The following CEP112 variants were observed in gnomAD, a reference collection of about 807,000 sequenced individuals.
The protein encoded by CEP112 is centrosomal protein 112, also known as centrosomal protein of 112 kDa.
In CEP112, 127 loss-of-function variants were observed where a neutral mutation model predicts 153.0. That is an observed-to-expected ratio of 0.83 (90% CI 0.72 to 0.96). The LOEUF (loss-of-function observed/expected upper bound fraction) is 0.96, where lower values mean the gene tolerates loss of function less well. Ranked by LOEUF, CEP112 falls within the 40% of genes least tolerant of loss-of-function variation. The pLI, the probability that CEP112 is intolerant of heterozygous loss-of-function variation, is 0.00. For missense variants in CEP112, 1,089 were observed against 1,101.2 expected (o/e 0.99, Z 0.16); for synonymous variants, 358 against 374.4 (o/e 0.96, Z 0.51).
intron 20 of CEP112, among the ~76,000 whole-genome samples, chr17:65,888,405 C>T (rs1429041856): frequency 6.6e-6 from 1 of 152,054 alleles, no homozygotes; most frequent in African/African-American, 2.4e-5. Context: ...TTGTATACCT[C>T]CTCTTAGCGC....
At chr17:65,887,277 A>G (rs2059313234) in intron 20 of CEP112, among the ~76,000 whole-genome samples, 1 of 152,166 alleles carries the variant, frequency 6.6e-6, no homozygotes, top group Non-Finnish European at 1.5e-5. Context: ...GAGACAATAC[A>G]TAAGTGCCTC....
chr17:65,996,046 T>C (rs1304976859), intron 17 of CEP112, among the ~76,000 whole-genome samples: 2 of 152,082 alleles, frequency 1.3e-5, no homozygotes, highest in African/African-American at 4.8e-5. Flanking sequence ...ATCAGCAGCA[T>C]GAAAACGGCC....
chr17:66,052,052 A>G (rs12951441), intron 12 of CEP112, among the ~76,000 whole-genome samples: 50,428 of 152,110 alleles, frequency 0.33, 9,739 homozygotes, highest in Non-Finnish European at 0.45. Context: ...AGTATAGGGT[A>G]TTTCATGTAA....
chr17:65,828,901 C>T (rs963734088), intron 21 of CEP112, among the ~76,000 whole-genome samples: 2 of 150,236 alleles, frequency 1.3e-5, no homozygotes, highest in African/African-American at 4.9e-5. Flanking sequence ...AGTTTTGACA[C>T]TGATATTATG....
At chr17:65,748,640 T>TA (rs747798013) in intron 22 of CEP112, among the ~76,000 whole-genome samples, 28 of 152,348 alleles carry the variant, frequency 1.8e-4, no homozygotes, top group Admixed American at 3.3e-4. Flanking sequence ...ACTTAATAGT[T>TA]AAAACCATCC....
chr17:65,826,377 A>T (rs1247486377), intron 21 of CEP112: 1 of 1,592,012 alleles, frequency 6.3e-7, no homozygotes, highest in Non-Finnish European at 8.5e-7. Context: ...CAGAACTTCT[A>T]ACAAGAAGCC....
chr17:65,846,473 G>A (rs1217608994), intron 21 of CEP112, among the ~76,000 whole-genome samples: 1 of 152,204 alleles, frequency 6.6e-6, no homozygotes, highest in Admixed American at 6.5e-5. Flanking sequence ...AATGATTTGA[G>A]ATCAAATGTG....
intron 20 of CEP112, among the ~76,000 whole-genome samples, chr17:65,888,793 C>T (rs1046547634): frequency 6.6e-6 from 1 of 152,126 alleles, no homozygotes; most frequent in Non-Finnish European, 1.5e-5. Flanking sequence ...CCGAGTGACT[C>T]AGTCTAGGAA....
intron 20 of CEP112, among the ~76,000 whole-genome samples, chr17:65,865,988 G>A (rs1382411194): frequency 6.6e-6 from 1 of 152,132 alleles, no homozygotes; most frequent in African/African-American, 2.4e-5. Context: ...GGGTGCAGCT[G>A]TGGTCACTCA....
At chr17:66,176,468 G>T (rs1043511316) in intron 3 of CEP112, among the ~76,000 whole-genome samples, 1 of 151,970 alleles carries the variant, frequency 6.6e-6, no homozygotes, top group Non-Finnish European at 1.5e-5. Flanking sequence ...TCTCATAAAC[G>T]TTTAAATAAT....
chr17:65,939,519 A>G (rs1424767642), intron 18 of CEP112, among the ~76,000 whole-genome samples: 1 of 152,236 alleles, frequency 6.6e-6, no homozygotes. Context: ...TAATCAAAAC[A>G]GCATGGTATA....
At chr17:66,149,133 C>T (rs2071052049) in intron 4 of CEP112, among the ~76,000 whole-genome samples, 1 of 152,166 alleles carries the variant, frequency 6.6e-6, no homozygotes, top group Admixed American at 6.5e-5. Context: ...TGTAGTATAT[C>T]ACATTTACTG....
At chr17:65,975,179 CAG>C (rs1244627768) in intron 17 of CEP112, among the ~76,000 whole-genome samples, 3 of 152,144 alleles carry the variant, frequency 2.0e-5, no homozygotes, top group Admixed American at 2.0e-4. Flanking sequence ...TCTTTCTTCA[CAG>C]AGATATGGTC....
chr17:65,867,448 A>G (rs1598827038), intron 20 of CEP112, among the ~76,000 whole-genome samples: 1 of 152,198 alleles, frequency 6.6e-6, no homozygotes, highest in Non-Finnish European at 1.5e-5. Flanking sequence ...CTGTAACAAT[A>G]CTCTAATCTT....
intron 19 of CEP112, among the ~76,000 whole-genome samples, chr17:65,915,390 T>C (rs924772069): frequency 3.4e-5 from 5 of 144,980 alleles, no homozygotes; most frequent in African/African-American, 9.9e-5. Flanking sequence ...CCCGGTAACC[T>C]CTAACCAGCC....
chr17:65,996,032 CT>C (rs2063776460), intron 17 of CEP112, among the ~76,000 whole-genome samples: 1 of 152,006 alleles, frequency 6.6e-6, no homozygotes, highest in East Asian at 1.9e-4. Context: ...TTGGGTATGT[CT>C]TTATCAGCAG....
intron 16 of CEP112, among the ~76,000 whole-genome samples, chr17:66,022,352 A>G (rs1015439654): frequency 5.9e-5 from 9 of 152,184 alleles, no homozygotes; most frequent in Admixed American, 5.9e-4. Context: ...AGGGTAGTAT[A>G]GCACCCACAA....
At chr17:65,749,095 C>T (rs1228224385) in intron 22 of CEP112, among the ~76,000 whole-genome samples, 1 of 152,134 alleles carries the variant, frequency 6.6e-6, no homozygotes, top group African/African-American at 2.4e-5. Flanking sequence ...GTTCCTTCCT[C>T]AAGGAAGGGC....
chr17:65,903,359 C>G (rs919628417), intron 19 of CEP112: 1 of 152,206 alleles, frequency 6.6e-6, no homozygotes, highest in African/African-American at 2.4e-5. Context: ...AATGAATCAC[C>G]AGACTACCTT....
Sources: gnomAD v4.1 joint callset for allele counts (sites outside exome capture counted in the v4.1 genomes callset) on GRCh38, gnomAD v4.1.1 for gene constraint, MANE v1.5 for transcripts, NCBI Gene and HGNC (gene_info 2026-07-23, HGNC 2026-07-21) for gene names.